RYR2: variants seen among roughly 807,000 people sequenced by gnomAD.
The protein encoded by RYR2 is ryanodine receptor 2, also known as cardiac muscle ryanodine receptor-calcium release channel.
A neutral mutation model predicts 601.1 loss-of-function variants in RYR2; 227 were observed. The ratio of observed to expected loss-of-function variants is 0.38; its 90% CI spans 0.34 to 0.42. RYR2 has a LOEUF of 0.42. RYR2 is among the 10% of genes least tolerant of loss of function. RYR2 has a pLI of 1.00. For missense variants in RYR2, 4,646 were observed against 6,156.5 expected, an observed-to-expected ratio of 0.75 and a Z score of 8.21; for synonymous variants, 2,223 against 2,175.1, an observed-to-expected ratio of 1.02 and a Z score of -0.61.
At chr1:237,559,443 A>T (rs983185146) in intron 27 of RYR2, among the ~76,000 whole-genome samples, 1 of 151,946 alleles carries the variant, frequency 6.6e-6, no homozygotes, top group African/African-American at 2.4e-5. Flanking sequence ...ATGGGGTTTC[A>T]CTGTGTTGAT....
intron 67 of RYR2, 142 bp downstream of exon 67, chr1:237,705,485 T>G (rs776011327): frequency 1.4e-6 from 1 of 695,168 alleles, no homozygotes; most frequent in Non-Finnish European, 2.4e-6. Flanking sequence ...TGTTTGGTAT[T>G]CTATGTGATG....
intron 75 of RYR2, 106 bp downstream of exon 75, chr1:237,726,414 A>G: frequency 1.4e-6 from 1 of 739,974 alleles, no homozygotes. Context: ...TTAGAGTTCC[A>G]AACACTATTA....
intron 1 of RYR2, among the ~76,000 whole-genome samples, chr1:237,064,118 T>C (rs1407910757): frequency 2.6e-5 from 4 of 152,216 alleles, no homozygotes; most frequent in African/African-American, 7.2e-5. Context: ...GGGATTCCGA[T>C]GATAGATATT....
At chr1:237,653,922 C>T (rs549372) in intron 51 of RYR2, among the ~76,000 whole-genome samples, 54,382 of 152,078 alleles carry the variant, frequency 0.36, 11,260 homozygotes, top group African/African-American at 0.55. Flanking sequence ...TTCTGCCTGC[C>T]TTTATCCTAG....
At chr1:237,735,714 T>C (rs1691082871) in intron 79 of RYR2, among the ~76,000 whole-genome samples, 1 of 152,208 alleles carries the variant, frequency 6.6e-6, no homozygotes, top group South Asian at 2.1e-4. Flanking sequence ...GCATGTAACC[T>C]ACACACATCC....
chr1:237,461,286 T>C (rs1417917120), intron 16 of RYR2, among the ~76,000 whole-genome samples: 1 of 152,326 alleles, frequency 6.6e-6, no homozygotes, highest in South Asian at 2.1e-4. Flanking sequence ...CATTCATATA[T>C]GGTAAAATTT....
chr1:237,130,789 T>C (rs1305162099), intron 1 of RYR2, among the ~76,000 whole-genome samples: 1 of 152,232 alleles, frequency 6.6e-6, no homozygotes, highest in Admixed American at 6.5e-5. Context: ...AATGTTAATT[T>C]TCTCTAGAGA....
At chr1:237,363,666 G>A (rs1259860405) in intron 4 of RYR2, among the ~76,000 whole-genome samples, 3 of 151,992 alleles carry the variant, frequency 2.0e-5, no homozygotes, top group African/African-American at 7.2e-5. Flanking sequence ...AACTTTAGAG[G>A]TGTAAAGAAA....
intron 44 of RYR2, among the ~76,000 whole-genome samples, chr1:237,637,338 C>CTT (rs1240877679): frequency 1.3e-5 from 2 of 152,104 alleles, no homozygotes; most frequent in Non-Finnish European, 2.9e-5. Context: ...CTAAGGATTT[C>CTT]TTTTAAAATT....
intron 1 of RYR2, among the ~76,000 whole-genome samples, chr1:237,185,502 T>C (rs146746857): frequency 5.3e-5 from 8 of 152,086 alleles, no homozygotes; most frequent in Middle Eastern, 3.2e-3. Flanking sequence ...GCACCTTCAC[T>C]CCTGGTCATT....
At chr1:237,635,550 A>T (rs1284182606) in intron 44 of RYR2, among the ~76,000 whole-genome samples, 6 of 152,216 alleles carry the variant, frequency 3.9e-5, no homozygotes, top group Non-Finnish European at 5.9e-5. Flanking sequence ...CAGCATTTAG[A>T]GAAACTTTCC....
In RYR2 at chr1:237,376,391, A is replaced by G. The variant is rs577312674; in HGVS notation, c.464-932A>G. On this transcript the variant is annotated intron_variant, in intron 7 of 104. Coordinates refer to ENST00000366574, the MANE Select transcript of RYR2 (RefSeq NM_001035.3). ...TAATAGGCTAGCAGGAGCTGGAGAA[A>G]CCTCAGTAAACAAAACATACCAAGT... 2.0e-4 allele frequency among the ~76,000 whole-genome samples: 31 copies of G among 152,272 alleles called. No homozygotes were observed. In the South Asian group the frequency reaches 4.6e-3, roughly 22 times the overall value.
chr1:237,731,990 A>T, intron 77 of RYR2, 56 bp from the exon 78 acceptor site: 1 of 1,145,564 alleles, frequency 8.7e-7, no homozygotes, highest in Non-Finnish European at 1.3e-6. Flanking sequence ...GTGCTTTTGG[A>T]TTTGAGTGAA....
chr1:237,753,537 A>G (rs951742476), intron 80 of RYR2, among the ~76,000 whole-genome samples: 2 of 151,518 alleles, frequency 1.3e-5, no homozygotes, highest in African/African-American at 4.9e-5. Context: ...CCTTGGAAAA[A>G]CCTCCTAACA....
intron 31 of RYR2, 141 bp from the exon 32 acceptor site, chr1:237,591,598 A>C: frequency 1.5e-6 from 1 of 670,034 alleles, no homozygotes; most frequent in Non-Finnish European, 2.6e-6. Context: ...AACCAAAAAC[A>C]TGTATTTTCA....
intron 2 of RYR2, among the ~76,000 whole-genome samples, chr1:237,322,400 GA>G (rs1226244553): frequency 6.6e-6 from 1 of 152,090 alleles, no homozygotes; most frequent in Non-Finnish European, 1.5e-5. Context: ...GTGTTTGTGT[GA>G]ATTATTTTTC....
At chr1:237,351,067 C>T (rs1406073256) in intron 3 of RYR2, among the ~76,000 whole-genome samples, 1 of 152,014 alleles carries the variant, frequency 6.6e-6, no homozygotes, top group Admixed American at 6.6e-5. Context: ...CCTTTCTCAT[C>T]ACATAATTCA....
intron 82 of RYR2, among the ~76,000 whole-genome samples, 177 bp from the exon 83 acceptor site, chr1:237,759,599 A>C (rs1693244290): frequency 6.6e-6 from 1 of 152,216 alleles, no homozygotes; most frequent in Non-Finnish European, 1.5e-5. Flanking sequence ...AAGTTTGCGT[A>C]ACTATCTTGC....
intron 27 of RYR2, among the ~76,000 whole-genome samples, chr1:237,554,567 T>G (rs1670703800): frequency 6.6e-6 from 1 of 152,006 alleles, no homozygotes; most frequent in Admixed American, 6.5e-5. Flanking sequence ...ATTGTTTCTT[T>G]TTCAAATATT....
Sources: allele counts gnomAD v4.1 joint callset (sites outside exome capture counted in the v4.1 genomes callset), GRCh38; gene constraint gnomAD v4.1.1; transcripts MANE v1.5; gene names NCBI Gene and HGNC (gene_info 2026-07-23, HGNC 2026-07-21).